NBEAL1: variants seen among roughly 807,000 people sequenced by gnomAD.
The protein encoded by NBEAL1 is neurobeachin like 1, also known as neurobeachin-like protein 1.
NBEAL1 carries 273 observed loss-of-function variants against 351.3 expected under a neutral mutation model. That is an observed-to-expected ratio of 0.78 (90% CI 0.70 to 0.86). NBEAL1 has a LOEUF of 0.86. Ranked by LOEUF, NBEAL1 falls within the 40% of genes least tolerant of loss-of-function variation. The probability of loss-of-function intolerance (pLI) is 0.00; values close to 1 mark genes in which losing one functional copy is unlikely to be tolerated. For synonymous variants in NBEAL1, 1,050 were observed against 1,086.4 expected (o/e 0.97, Z 0.66); for missense variants, 2,961 against 3,201.3 (o/e 0.92, Z 1.81).
chr2:203,100,539 T>C (rs1227689515), intron 12 of NBEAL1, among the ~76,000 whole-genome samples: 1 of 136,146 alleles, frequency 7.3e-6, no homozygotes, highest in Non-Finnish European at 1.7e-5. Flanking sequence ...TGGCTGCATG[T>C]TTTCTTTTCT....
chr2:203,088,483 A>T (rs1345795054), intron 10 of NBEAL1, among the ~76,000 whole-genome samples: 1 of 152,204 alleles, frequency 6.6e-6, no homozygotes, highest in African/African-American at 2.4e-5. Flanking sequence ...AGGGGAAGGG[A>T]TCAGGGAAAG....
At position 203,198,827 on chromosome 2, in the gene NBEAL1, A is replaced by T. The variant is rs188186246; in HGVS notation, c.7129-511A>T. On this transcript the variant is annotated intron_variant, in intron 48 of 55. Coordinates refer to ENST00000683969, the MANE Select transcript of NBEAL1 (RefSeq NM_001378026.1). ...AGCTGAGATCATGCCACTGCACTCC[A>T]GCCTGGGTGACAGAGCAAGACTCTA... Among the ~76,000 whole-genome samples, 12 of 151,598 alleles carry T rather than the reference A, an allele frequency of 7.9e-5. No individual in the cohort carries two copies. In the East Asian group the frequency reaches 2.3e-3, roughly 30 times the overall value.
intron 35 of NBEAL1, among the ~76,000 whole-genome samples, chr2:203,152,478 T>C (rs1027198468): frequency 6.6e-6 from 1 of 151,030 alleles, no homozygotes; most frequent in African/African-American, 2.4e-5. Context: ...TAATCCCAGC[T>C]ACTCAGGAGG....
chr2:203,045,795 A>G (rs1332795128), intron 3 of NBEAL1, among the ~76,000 whole-genome samples: 1 of 152,180 alleles, frequency 6.6e-6, no homozygotes, highest in Non-Finnish European at 1.5e-5. Context: ...ATAAAGTATA[A>G]TTGTCATTTA....
intron 20 of NBEAL1, 32 bp downstream of exon 20, chr2:203,125,552 T>C (rs888400929): frequency 5.1e-5 from 68 of 1,340,250 alleles, no homozygotes; most frequent in Non-Finnish European, 6.6e-5. Context: ...AAAATAGTCA[T>C]TGAGAAATTT....
At chr2:203,172,469 C>G (rs540160721) in intron 40 of NBEAL1, among the ~76,000 whole-genome samples, 1 of 151,574 alleles carries the variant, frequency 6.6e-6, no homozygotes, top group Non-Finnish European at 1.5e-5. Context: ...TGCAGTGAGC[C>G]GAGATCATGA....
intron 36 of NBEAL1, among the ~76,000 whole-genome samples, chr2:203,158,998 T>C (rs2063874660): frequency 6.6e-6 from 1 of 151,856 alleles, no homozygotes; most frequent in African/African-American, 2.4e-5. Context: ...TTAAATTTTT[T>C]TACGGAGACA....
intron 15 of NBEAL1, among the ~76,000 whole-genome samples, chr2:203,110,668 T>C (rs2062546857): frequency 2.3e-5 from 2 of 88,108 alleles, no homozygotes; most frequent in Non-Finnish European, 4.6e-5. Flanking sequence ...AGTGAGATCC[T>C]GTCTCAAAAT....
chr2:203,057,334 CA>C lies in NBEAL1; in HGVS notation c.405del (p.Glu136ArgfsTer14), dbSNP rs199940828. ...TTLYIQQLKS[K>X]KKEKEMADQT... Reference sequence around the variant, plus strand: ...TTTAACTTTGTTCTCAGTTAAAAAGCAAAAAAAAAGAGAAGGAAATGGCAGA... The same window carrying C: ...TTTAACTTTGTTCTCAGTTAAAAAGCAAAAAAAAGAGAAGGAAATGGCAGA... On this transcript the variant is annotated frameshift_variant, in exon 6 of 56. Transcript: ENST00000683969. LOFTEE classifies it high-confidence loss of function. The C allele has an allele frequency of 1.5e-4, 226 of 1,506,250 alleles. No individual in the cohort carries two copies. Among genetic ancestry groups the C allele is most frequent in the South Asian group, 5.1e-4 (41 of 80,054 alleles). 93.3% of individuals were successfully genotyped at this position (1,506,250 alleles called of 1,614,324 possible).
At chr2:203,038,234 A>T (rs2061071243) in intron 2 of NBEAL1, among the ~76,000 whole-genome samples, 2 of 149,130 alleles carry the variant, frequency 1.3e-5, no homozygotes, top group Non-Finnish European at 3.0e-5. Context: ...ATTTGTATTC[A>T]TTTATCTGGG....
At chr2:203,128,321 T>A (rs2062993111) in intron 24 of NBEAL1, among the ~76,000 whole-genome samples, 1 of 146,312 alleles carries the variant, frequency 6.8e-6, no homozygotes, top group Non-Finnish European at 1.5e-5. Context: ...TTGGTCAGGC[T>A]GGTCTTGAAC....
Position 203,135,640 on chromosome 2 carries a change from C to T in NBEAL1, c.3814-37C>T, listed in dbSNP as rs892200547. 1.7e-5 allele frequency: 23 copies of T among 1,343,372 alleles called. No homozygotes were observed. The African/African-American group carries it at 2.4e-4, about 14-fold the overall frequency. The allele number at this position is 1,343,372 out of a possible 1,614,324, so 83.2% of individuals were successfully genotyped here. ...TATTTTTGATATAAAGTACTATGTACTTTTTGAAGAATTTTGTATTCTAAA... is the reference window on the plus strand; with the variant it reads ...TATTTTTGATATAAAGTACTATGTATTTTTTGAAGAATTTTGTATTCTAAA... On this transcript the variant is annotated intron_variant, in intron 27 of 55. Transcript: ENST00000683969.
At chr2:203,087,204 T>G (rs755316758) in intron 10 of NBEAL1, among the ~76,000 whole-genome samples, 17 of 150,252 alleles carry the variant, frequency 1.1e-4, no homozygotes, top group Non-Finnish European at 2.1e-4. Context: ...GCGATTTTCC[T>G]GCCTCAGCCT....
At chr2:203,063,610 A>G (rs995311913) in intron 6 of NBEAL1, among the ~76,000 whole-genome samples, 2 of 152,194 alleles carry the variant, frequency 1.3e-5, no homozygotes, top group African/African-American at 4.8e-5. Context: ...TCTTCCTTCA[A>G]TATGACTTGT....
rs2065949613 is a variant in NBEAL1 at position 203,221,072 on chromosome 2, CAGAATT to C, written c.*3725_*3730del. On this transcript the variant is annotated 3_prime_UTR_variant, in exon 56 of 56. Coordinates refer to ENST00000683969, the MANE Select transcript of NBEAL1 (RefSeq NM_001378026.1). Reference sequence around the variant, plus strand: ...CTTCTGAAAAGAATAAGTGGGCTCTCAGAATTAGAATTCAGATTTGACGGTTGAATC... The same window carrying C: ...CTTCTGAAAAGAATAAGTGGGCTCTCAGAATTCAGATTTGACGGTTGAATC... 6.6e-6 allele frequency among the ~76,000 whole-genome samples: 1 copy of C among 151,998 alleles called. No individual in the cohort carries two copies. The highest frequency in any genetic ancestry group is 1.5e-5 in the Non-Finnish European group (1 of 67,984).
chr2:203,116,194 A>G, intron 18 of NBEAL1, 124 bp downstream of exon 18: 1 of 699,274 alleles, frequency 1.4e-6, no homozygotes, highest in South Asian at 1.8e-5. Context: ...CCATCAAAAT[A>G]ATCATGAATT....
In NBEAL1 at chr2:203,221,047, C is replaced by T. The variant is rs1008723810; in HGVS notation, c.*3693C>T. Among the ~76,000 whole-genome samples, 4 of 152,006 alleles carry T rather than the reference C, an allele frequency of 2.6e-5. No individual in the cohort carries two copies. Among genetic ancestry groups the T allele is most frequent in the Admixed American group, 6.6e-5 (1 of 15,246 alleles). ...ACTTGTATTGAAAATCAAGTTTATG[C>T]TTCTGAAAAGAATAAGTGGGCTCTC... On this transcript the variant is annotated 3_prime_UTR_variant, in exon 56 of 56. Transcript: ENST00000683969.
intron 10 of NBEAL1, among the ~76,000 whole-genome samples, chr2:203,088,859 C>T (rs969305023): frequency 6.6e-6 from 1 of 152,044 alleles, no homozygotes; most frequent in Non-Finnish European, 1.5e-5. Flanking sequence ...ATGGAGAGTT[C>T]CTAGCTTCTT....
chr2:203,192,716 T>C (rs532260425), intron 46 of NBEAL1, among the ~76,000 whole-genome samples: 18 of 152,248 alleles, frequency 1.2e-4, no homozygotes, highest in African/African-American at 4.3e-4. Flanking sequence ...ACTTACAGCT[T>C]TCACATCTAT....
Sources: allele counts gnomAD v4.1 joint callset (sites outside exome capture counted in the v4.1 genomes callset), GRCh38; gene constraint gnomAD v4.1.1; transcripts MANE v1.5; gene names NCBI Gene and HGNC (gene_info 2026-07-23, HGNC 2026-07-21).